CTNNA3: variants seen among roughly 807,000 people sequenced by gnomAD.
CTNNA3 encodes the protein catenin alpha 3.
CTNNA3 carries 76 observed loss-of-function variants against 95.7 expected under a neutral mutation model. The observed-to-expected ratio is 0.79, with a 90% CI of 0.66 to 0.96. The LOEUF is 0.96. Ranked by LOEUF, CTNNA3 falls within the 40% of genes least tolerant of loss-of-function variation. The probability of loss-of-function intolerance (pLI) is 0.00; values close to 1 mark genes in which losing one functional copy is unlikely to be tolerated. For missense variants in CTNNA3, 1,191 were observed against 1,089.8 expected, an observed-to-expected ratio of 1.09 and a Z score of -1.31; for synonymous variants, 431 against 374.4, an observed-to-expected ratio of 1.15 and a Z score of -1.74.
intron 13 of CTNNA3, among the ~76,000 whole-genome samples, chr10:66,232,147 T>C (rs2089619367): frequency 6.6e-6 from 1 of 152,176 alleles, no homozygotes; most frequent in South Asian, 2.1e-4. Flanking sequence ...AATGCCTTGA[T>C]TTCAGTCTAG....
upstream of CTNNA3, among the ~76,000 whole-genome samples, chr10:67,697,461 C>A (rs1370335906): frequency 6.6e-6 from 1 of 152,256 alleles, no homozygotes. Flanking sequence ...ATGAGATATC[C>A]AAATTCTATC....
At chr10:66,480,156 G>T (rs568929159) in intron 11 of CTNNA3, among the ~76,000 whole-genome samples, 1 of 152,160 alleles carries the variant, frequency 6.6e-6, no homozygotes, top group African/African-American at 2.4e-5. Flanking sequence ...TTTACTCCTT[G>T]TTTGAGTAAA....
chr10:66,556,323 A>C (rs918683926), intron 10 of CTNNA3, among the ~76,000 whole-genome samples: 2 of 152,100 alleles, frequency 1.3e-5, no homozygotes, highest in Non-Finnish European at 2.9e-5. Flanking sequence ...AAAAAATTAA[A>C]AATAGAACTA....
intron 5 of CTNNA3, among the ~76,000 whole-genome samples, chr10:67,270,397 T>G (rs1838923042): frequency 6.6e-6 from 1 of 152,150 alleles, no homozygotes; most frequent in Non-Finnish European, 1.5e-5. Flanking sequence ...TTATTTTGTG[T>G]TCCAATTGCT....
At chr10:65,927,363 T>A (rs1317130816) in intron 17 of CTNNA3, among the ~76,000 whole-genome samples, 1 of 152,164 alleles carries the variant, frequency 6.6e-6, no homozygotes, top group Non-Finnish European at 1.5e-5. Context: ...ATCATATGCT[T>A]TAGGTACACT....
chr10:66,557,985 T>C (rs116656577), intron 10 of CTNNA3, among the ~76,000 whole-genome samples: 246 of 152,214 alleles, frequency 1.6e-3, no homozygotes, highest in African/African-American at 5.8e-3. Context: ...TTCCAGTATA[T>C]ATATTTAAAA....
At position 67,360,079 on chromosome 10, in the gene CTNNA3, A is replaced by G. The variant is rs74584702; in HGVS notation, c.580-140209T>C. Among the ~76,000 whole-genome samples the G allele has an allele frequency of 0.018, 2,707 of 152,238 alleles. 207 individuals carry two copies. The East Asian group carries it at 0.24, about 13-fold the overall frequency. ...GCATCCCTAAAGAAATGAAATTCCA[A>G]TCAAGAATTTCAAACCCCACCAAAC... On this transcript the variant is annotated intron_variant, in intron 5 of 17. Coordinates refer to ENST00000433211, the MANE Select transcript of CTNNA3 (RefSeq NM_013266.4).
At chr10:66,681,211 A>C (rs1847056451) in intron 9 of CTNNA3, among the ~76,000 whole-genome samples, 1 of 152,154 alleles carries the variant, frequency 6.6e-6, no homozygotes, top group African/African-American at 2.4e-5. Context: ...TGTAAGAGAG[A>C]AATTGTTTCT....
chr10:67,566,043 G>GTATATATATTATATATATATATATATATA (rs1841769032), intron 3 of CTNNA3, among the ~76,000 whole-genome samples: 1 of 26,964 alleles, frequency 3.7e-5, no homozygotes, highest in Non-Finnish European at 6.3e-5. Context: ...ATGTGTGTGT[G>GTATATATATTATATATATATATATATATA]TATATATATA....
At chr10:66,779,352 TTCTTTTC>T (rs1840439359) in intron 7 of CTNNA3, among the ~76,000 whole-genome samples, 1 of 151,834 alleles carries the variant, frequency 6.6e-6, no homozygotes, top group African/African-American at 2.4e-5. Flanking sequence ...TTTCTTTTCT[TTCTTTTC>T]TTTCTCTTTC....
chr10:66,074,315 G>A (rs908388618), intron 14 of CTNNA3, among the ~76,000 whole-genome samples: 16 of 151,722 alleles, frequency 1.1e-4, no homozygotes, highest in Non-Finnish European at 2.2e-4. Context: ...GATAAATAAT[G>A]AGTATTCTTG....
At chr10:67,726,751 T>C (rs1172488098) in intron 1 of CTNNA3, among the ~76,000 whole-genome samples, 29 of 864 alleles carry the variant, frequency 0.034, no homozygotes, top group Non-Finnish European at 0.065. Flanking sequence ...ATATATGATA[T>C]ATCATAGAAT....
At chr10:66,291,839 T>A (rs924290030) in intron 12 of CTNNA3, among the ~76,000 whole-genome samples, 2 of 151,574 alleles carry the variant, frequency 1.3e-5, no homozygotes, top group South Asian at 4.2e-4. Flanking sequence ...ACACATAAAT[T>A]ATATATATGT....
intron 7 of CTNNA3, among the ~76,000 whole-genome samples, chr10:66,817,997 A>G (rs1842155094): frequency 1.3e-5 from 2 of 152,044 alleles, no homozygotes; most frequent in South Asian, 4.1e-4. Context: ...ATGAAACTCA[A>G]TCGATCCCAT....
At chr10:66,318,917 T>G (rs1239564454) in intron 12 of CTNNA3, among the ~76,000 whole-genome samples, 1 of 151,622 alleles carries the variant, frequency 6.6e-6, no homozygotes, top group Non-Finnish European at 1.5e-5. Flanking sequence ...TAGAAGTATT[T>G]TTTTTTTTTG....
intron 15 of CTNNA3, among the ~76,000 whole-genome samples, chr10:66,008,021 C>T (rs555918772): frequency 4.6e-5 from 7 of 152,108 alleles, no homozygotes; most frequent in South Asian, 2.1e-4. Context: ...TAGGCCTCAA[C>T]GTTTTCCCCA....
At chr10:67,076,585 T>C (rs1856764123) in intron 7 of CTNNA3, among the ~76,000 whole-genome samples, 1 of 152,218 alleles carries the variant, frequency 6.6e-6, no homozygotes, top group African/African-American at 2.4e-5. Context: ...TAAAAGCGTT[T>C]CTTTAAAAAT....
chr10:67,703,141 AC>A (rs1430213301), intron 1 of CTNNA3, among the ~76,000 whole-genome samples: 2 of 152,232 alleles, frequency 1.3e-5, no homozygotes, highest in African/African-American at 4.8e-5. Flanking sequence ...TCAATAGCTT[AC>A]CCACCAAAAA....
At chr10:67,730,388 C>CA (rs1841268026) in intron 1 of CTNNA3, among the ~76,000 whole-genome samples, 1 of 151,904 alleles carries the variant, frequency 6.6e-6, no homozygotes, top group African/African-American at 2.4e-5. Flanking sequence ...TTTAGCCAGT[C>CA]ACACTATCAA....
Sources: allele counts gnomAD v4.1 joint callset (sites outside exome capture counted in the v4.1 genomes callset), GRCh38; gene constraint gnomAD v4.1.1; transcripts MANE v1.5; gene names NCBI Gene and HGNC (gene_info 2026-07-23, HGNC 2026-07-21).